CEACAM5: variants seen among roughly 807,000 people sequenced by gnomAD.
The protein encoded by CEACAM5 is cell adhesion molecule CEACAM5.
CEACAM5 carries 52 observed loss-of-function variants against 63.0 expected under a neutral mutation model. That is an observed-to-expected ratio of 0.83 (90% CI 0.66 to 1.04). The LOEUF is 1.04. CEACAM5 is among the 50% of genes least tolerant of loss of function. The pLI, the probability that CEACAM5 is intolerant of heterozygous loss-of-function variation, is 0.00. For missense variants in CEACAM5, 790 were observed against 864.8 expected (o/e 0.91, Z 1.08); for synonymous variants, 357 against 351.3 (o/e 1.02, Z -0.18).
chr19:41,718,128 A>G lies in CEACAM5; in HGVS notation c.1238A>G (p.Tyr413Cys). The change falls in exon 6 of 10, where the codon TAT (tyrosine) becomes TGT (cysteine). Residue 413 changes from tyrosine to cysteine, a missense_variant and splice_region_variant. By Grantham distance (194) the Tyr-to-Cys change is radical (BLOSUM62 -2). Transcript: ENST00000221992. ...HSDPVILNVL[Y>C]GPDDPTISPS... The stretch of plus-strand genomic sequence containing the variant: ...TGTGGCCCTATTCTCTTTGCTCCAG[A>G]TGGCCCAGACGACCCCACCATTTCC... 2.5e-6 allele frequency: 4 copies of G among 1,614,034 alleles called. No homozygotes were observed. The highest frequency in any genetic ancestry group is 3.4e-6 in the Non-Finnish European group (4 of 1,179,958).
intron 4 of CEACAM5, among the ~76,000 whole-genome samples, chr19:41,717,141 G>A (rs987910057): frequency 3.3e-5 from 5 of 152,226 alleles, no homozygotes; most frequent in Non-Finnish European, 5.9e-5. Context: ...AATGGGCCAG[G>A]CAGCCAGCCA....
rs1555816179 is a variant in CEACAM5, at chr19:41,721,135, C to A, written c.1985C>A (p.Thr662Asn). The A allele has an allele frequency of 1.2e-6, 2 of 1,614,208 alleles. No homozygotes were observed. The highest frequency in any genetic ancestry group is 1.7e-5 in the Admixed American group (1 of 60,026). Residue 662 changes from threonine (T) to asparagine (N), a missense_variant, in exon 8 of 10, where the codon ACT becomes AAT. Thr to Asn is a moderately conservative substitution (Grantham distance 65). Coordinates refer to ENST00000221992, the MANE Select transcript of CEACAM5 (RefSeq NM_004363.6). ...GCCTGTTTTGTCTCTAACTTGGCTA[C>A]TGGCCGCAATAATTCCATAGTCAAG... is the stretch of plus-strand genomic sequence containing the variant. ...TYACFVSNLA[T>N]GRNNSIVKSI...
At chr19:41,711,296 C>T (rs1363948832) in intron 2 of CEACAM5, among the ~76,000 whole-genome samples, 1 of 152,160 alleles carries the variant, frequency 6.6e-6, no homozygotes, top group East Asian at 1.9e-4. Flanking sequence ...CTGTGTTTCC[C>T]GATGTGTCAG....
intron 2 of CEACAM5, among the ~76,000 whole-genome samples, chr19:41,712,833 C>A (rs574765374): frequency 6.6e-6 from 1 of 152,240 alleles, no homozygotes; most frequent in South Asian, 2.1e-4. Context: ...TTAATGTTTC[C>A]CCCAAATGTC....
rs2072589431 is a variant in CEACAM5 at position 41,719,879 on chromosome 19, G to A, written c.1493-51G>A. 3.1e-6 allele frequency: 5 copies of A among 1,609,230 alleles called. No homozygotes were observed. The East Asian group carries it at 1.1e-4, about 36-fold the overall frequency. On this transcript the variant is annotated intron_variant, in intron 6 of 9. Transcript: ENST00000221992. ...CCAACTCTGATTGAAAGATGCCTGT[G>A]AGGAATCAAAAGTGCCACACAGGGC...
At chr19:41,727,609 T>C (rs2072717854) in intron 9 of CEACAM5, among the ~76,000 whole-genome samples, 1 of 152,176 alleles carries the variant, frequency 6.6e-6, no homozygotes, top group South Asian at 2.1e-4. Flanking sequence ...TGTCAAAGCC[T>C]CTTGGTCCTT....
At chr19:41,727,073 C>T (rs566654173) in intron 8 of CEACAM5, among the ~76,000 whole-genome samples, 161 bp from the exon 9 acceptor site, 1 of 152,330 alleles carries the variant, frequency 6.6e-6, no homozygotes, top group Admixed American at 6.5e-5. Context: ...ACTAGCAACA[C>T]AGTGAGAGAG....
At chr19:41,728,301 A>G (rs2072726458) in intron 9 of CEACAM5, among the ~76,000 whole-genome samples, 1 of 152,232 alleles carries the variant, frequency 6.6e-6, no homozygotes, top group African/African-American at 2.4e-5. Context: ...GGAATCACTC[A>G]GAAACATTTT....
At chr19:41,709,564 A>ACT (rs2072399052) in intron 1 of CEACAM5, 116 bp from the exon 2 acceptor site, 2 of 1,348,360 alleles carry the variant, frequency 1.5e-6, no homozygotes, top group African/African-American at 1.4e-5. Flanking sequence ...ACACACACAC[A>ACT]CACTCACTCA....
chr19:41,717,966 A>C (rs2072554636), intron 5 of CEACAM5, among the ~76,000 whole-genome samples, 162 bp from the exon 6 acceptor site: 1 of 152,208 alleles, frequency 6.6e-6, no homozygotes, highest in African/African-American at 2.4e-5. Flanking sequence ...TGGGAGAAAC[A>C]GATGAATGTC....
chr19:41,730,192 G>A lies in CEACAM5; in HGVS notation c.*1045G>A, dbSNP rs147444888. On this transcript the variant is annotated 3_prime_UTR_variant, in exon 10 of 10. Coordinates refer to ENST00000221992, the MANE Select transcript of CEACAM5 (RefSeq NM_004363.6). ...TCCCAGCACTTTGATCCGCCGAGGC[G>A]GGCGGATCACGAGGTCAGGAGATCC... Among the ~76,000 whole-genome samples the A allele has an allele frequency of 3.0e-3, 460 of 152,138 alleles. 2 individuals carry two copies. Among genetic ancestry groups the A allele is most frequent in the African/African-American group, 8.5e-3 (352 of 41,504 alleles).
At chr19:41,725,283 A>G (rs568150924) in intron 8 of CEACAM5, among the ~76,000 whole-genome samples, 1 of 151,972 alleles carries the variant, frequency 6.6e-6, no homozygotes, top group East Asian at 1.9e-4. Context: ...GTTGGCATAC[A>G]ATTATTCATA....
intron 7 of CEACAM5, among the ~76,000 whole-genome samples, 156 bp from the exon 8 acceptor site, chr19:41,720,766 C>G (rs939713946): frequency 5.3e-5 from 8 of 152,138 alleles, no homozygotes; most frequent in Non-Finnish European, 1.0e-4. Context: ...TCCCAAAGTG[C>G]TGGGATTACA....
In CEACAM5 at chr19:41,710,056, T is replaced by C. The variant is rs1203108506; in HGVS notation, c.424+17T>C. Reference sequence around the variant, plus strand: ...GGGTATACCGTGAGTGATTCCCCCATGACCTCTGGGTGTTGGGGGTCAGTT... The same window carrying C: ...GGGTATACCGTGAGTGATTCCCCCACGACCTCTGGGTGTTGGGGGTCAGTT... On this transcript the variant is annotated intron_variant, in intron 2 of 9. Transcript: ENST00000221992. The C allele has an allele frequency of 1.3e-6, 2 of 1,585,400 alleles. No homozygotes were observed. Among genetic ancestry groups the C allele is most frequent in the Non-Finnish European group, 1.7e-6 (2 of 1,166,256 alleles).
rs1555814612 is a variant in CEACAM5 at position 41,714,960 on chromosome 19, T to C, written c.425-11T>C. 8 of 1,614,126 alleles carry C rather than the reference T, an allele frequency of 5.0e-6. No individual in the cohort carries two copies. The highest frequency in any genetic ancestry group is 6.8e-6 in the Non-Finnish European group (8 of 1,180,010). On this transcript the variant is annotated splice_polypyrimidine_tract_variant and intron_variant, in intron 2 of 9. Coordinates refer to ENST00000221992, the MANE Select transcript of CEACAM5 (RefSeq NM_004363.6). Reference sequence around the variant, plus strand: ...CCACACAGGGCAATCTTCTCTCTGTTATCTGCACAGCGGAGCTGCCCAAGC... The same window carrying C: ...CCACACAGGGCAATCTTCTCTCTGTCATCTGCACAGCGGAGCTGCCCAAGC...
chr19:41,712,422 G>A (rs2072450800), intron 2 of CEACAM5, among the ~76,000 whole-genome samples: 1 of 152,244 alleles, frequency 6.6e-6, no homozygotes, highest in Non-Finnish European at 1.5e-5. Flanking sequence ...TTCTGAGGTT[G>A]ATAGGAGAGG....
At chr19:41,712,246 C>A (rs2072448013) in intron 2 of CEACAM5, among the ~76,000 whole-genome samples, 2 of 152,220 alleles carry the variant, frequency 1.3e-5, no homozygotes, top group African/African-American at 2.4e-5. Context: ...TGGAGCTGGC[C>A]AGGCAGGTGC....
chr19:41,729,449 CACTCCAGTCTGGCAACAGAGCA>C lies in CEACAM5; in HGVS notation c.*304_*325del, dbSNP rs1418241019. 6.6e-6 allele frequency: 1 copy of C among 152,190 alleles called. No homozygotes were observed. Among genetic ancestry groups the C allele is most frequent in the African/African-American group, 2.4e-5 (1 of 41,416 alleles). The allele number at this position is 152,190 out of a possible 1,614,324, so 9.4% of individuals were successfully genotyped here. A position where few individuals can be genotyped will look rare whatever the true frequency, so the allele number is the denominator to read the frequency against. On this transcript the variant is annotated 3_prime_UTR_variant, in exon 10 of 10. Coordinates refer to ENST00000221992, the MANE Select transcript of CEACAM5 (RefSeq NM_004363.6). ...GCAGTGAGCCCAGATCGCACCACTGCACTCCAGTCTGGCAACAGAGCAAGACTCCATCTCAAAAAGAAAAGAA... is the reference window on the plus strand; with the variant it reads ...GCAGTGAGCCCAGATCGCACCACTGCAGACTCCATCTCAAAAAGAAAAGAA...
intron 7 of CEACAM5, among the ~76,000 whole-genome samples, chr19:41,720,698 C>T (rs1448062308): frequency 2.0e-5 from 3 of 151,892 alleles, no homozygotes; most frequent in Non-Finnish European, 4.4e-5. Flanking sequence ...TTAGTAGAGA[C>T]GGGGTTTCAC....
Sources: allele counts gnomAD v4.1 joint callset (sites outside exome capture counted in the v4.1 genomes callset), GRCh38; gene constraint gnomAD v4.1.1; transcripts MANE v1.5; gene names NCBI Gene and HGNC (gene_info 2026-07-23, HGNC 2026-07-21).